Variants in CELF2 observed in about 807,000 individuals in gnomAD.
The protein encoded by CELF2 is CUG triplet repeat RNA-binding protein 2.
In CELF2, 8 loss-of-function variants were observed where a neutral mutation model predicts 62.6. That is an observed-to-expected ratio of 0.13 (90% CI 0.07 to 0.23). The LOEUF is 0.23. CELF2 is among the 10% of genes least tolerant of loss of function. The probability of loss-of-function intolerance (pLI) is 1.00; values close to 1 mark genes in which losing one functional copy is unlikely to be tolerated. For missense variants in CELF2, 333 were observed against 671.0 expected (o/e 0.50, Z 5.56); for synonymous variants, 258 against 250.0 (o/e 1.03, Z -0.30).
At chr10:11,027,654 G>A (rs1052346828) in intron 1 of CELF2, among the ~76,000 whole-genome samples, 5 of 152,102 alleles carry the variant, frequency 3.3e-5, no homozygotes, top group African/African-American at 9.7e-5. Flanking sequence ...CCTGTATGTC[G>A]TAGAATGGAA....
At chr10:11,052,444 T>A (rs2064135128) in intron 1 of CELF2, among the ~76,000 whole-genome samples, 1 of 152,196 alleles carries the variant, frequency 6.6e-6, no homozygotes, top group Non-Finnish European at 1.5e-5. Context: ...ACCTGTAGGT[T>A]GTTTGGGCTC....
At chr10:10,547,708 T>A in the CELF2 span, among the ~76,000 whole-genome samples, 4 of 151,716 alleles carry the variant, frequency 2.6e-5, no homozygotes, top group African/African-American at 9.7e-5. Flanking sequence ...TGTGTGTGTG[T>A]GTGTGTGTGT....
rs11595906 is a variant in CELF2, at chr10:11,012,584, A to T, written c.53+7144A>T. 0.077 allele frequency among the ~76,000 whole-genome samples: 11,718 copies of T among 152,176 alleles called. 774 individuals carry two copies. Among genetic ancestry groups the T allele is most frequent in the African/African-American group, 0.18 (7,345 of 41,466 alleles). ...CTCCGGGACCGAATGTTACGCCTGC[A>T]ACTGTGTCCTCCCAGCTGTTGCTGT... On this transcript the variant is annotated intron_variant, in intron 1 of 12. Transcript: ENST00000416382. The surrounding 1 kb of genome is among the most constrained non-coding windows in gnomAD (Gnocchi z 5.5).
At chr10:10,921,910 C>G (rs1197641212) in intron 2 of CELF2, among the ~76,000 whole-genome samples, 3 of 152,112 alleles carry the variant, frequency 2.0e-5, no homozygotes, top group Non-Finnish European at 4.4e-5. Context: ...ATTCATATGT[C>G]CTAGGATATT....
intron 2 of CELF2, among the ~76,000 whole-genome samples, chr10:10,988,403 G>GTAAC (rs1486923776): frequency 2.0e-5 from 3 of 151,994 alleles, no homozygotes; most frequent in African/African-American, 7.2e-5. Context: ...TCTAAGTGAA[G>GTAAC]TAACTCAGGA....
At chr10:10,575,266 G>A in the CELF2 span, among the ~76,000 whole-genome samples, 1 of 152,172 alleles carries the variant, frequency 6.6e-6, no homozygotes, top group Non-Finnish European at 1.5e-5. Context: ...CTTGAAGGGT[G>A]TTAGATGTAG....
chr10:10,704,305 A>AT, the CELF2 span, among the ~76,000 whole-genome samples: 32,068 of 151,532 alleles, frequency 0.21, 3,654 homozygotes, highest in South Asian at 0.43. Flanking sequence ...ACCTTCCTTG[A>AT]TTTTTTTTTC....
chr10:10,696,854 G>A, the CELF2 span, among the ~76,000 whole-genome samples: 76 of 152,284 alleles, frequency 5.0e-4, no homozygotes, highest in Admixed American at 3.0e-3. Flanking sequence ...CGCACGGTGC[G>A]TGCACCCAAT....
At chr10:10,562,594 C>T in the CELF2 span, among the ~76,000 whole-genome samples, 61 of 152,282 alleles carry the variant, frequency 4.0e-4, no homozygotes, top group African/African-American at 1.3e-3. Flanking sequence ...TTTCTAGCGA[C>T]CTCACCGTGT....
Position 10,936,286 on chromosome 10 carries a change from G to T in CELF2, c.89+16287G>T, listed in dbSNP as rs1302592369. On this transcript the variant is annotated intron_variant, in intron 2 of 13. Coordinates refer to the CELF2 transcript ENST00000636488. This position sits in a 1 kb window ranked among gnomAD's most constrained non-coding sequence, Gnocchi z 4.0. Reference sequence around the variant, plus strand: ...AGCAATAATCACATTTTAACATAAAGATTGTCCAAGATCACAGAGTAATCT... The same window carrying T: ...AGCAATAATCACATTTTAACATAAATATTGTCCAAGATCACAGAGTAATCT... Among the ~76,000 whole-genome samples, 5 of 152,178 alleles carry T rather than the reference G, an allele frequency of 3.3e-5. No homozygotes were observed. Among genetic ancestry groups the T allele is most frequent in the Admixed American group, 2.6e-4 (4 of 15,280 alleles).
rs59416518 is a variant in CELF2, at chr10:11,145,489, C to T, written c.75-19997C>T. On this transcript the variant is annotated intron_variant, in intron 1 of 12. Transcript: ENST00000633077. This position sits in a 1 kb window ranked among gnomAD's most constrained non-coding sequence, Gnocchi z 4.3. ...AATATAAGAATCAGGTAAAATTGTC[C>T]GCACAGAACCAGTTGGTGGGGTGGA... Among the ~76,000 whole-genome samples the T allele has an allele frequency of 1.4e-3, 218 of 152,258 alleles. 2 individuals carry two copies. The East Asian group carries it at 0.03, about 21-fold the overall frequency.
At chr10:10,573,692 A>T in the CELF2 span, among the ~76,000 whole-genome samples, 1 of 152,138 alleles carries the variant, frequency 6.6e-6, no homozygotes, top group Non-Finnish European at 1.5e-5. Flanking sequence ...GTAAATTAAA[A>T]TCTGTAAATA....
intron 1 of CELF2, among the ~76,000 whole-genome samples, chr10:10,915,880 C>G (rs1056946320): frequency 6.6e-6 from 1 of 152,172 alleles, no homozygotes; most frequent in African/African-American, 2.4e-5. Flanking sequence ...CCAGCATTGC[C>G]TGGGCTGAAC....
At chr10:10,642,603 CTCCTTGCT>C in the CELF2 span, among the ~76,000 whole-genome samples, 3 of 152,332 alleles carry the variant, frequency 2.0e-5, no homozygotes, top group South Asian at 6.2e-4. Context: ...GCCCCCTTCC[CTCCTTGCT>C]TATCTCTGCA....
Position 11,156,527 on chromosome 10 carries a change from G to C in CELF2, c.75-8959G>C, listed in dbSNP as rs368540555. 6.6e-6 allele frequency among the ~76,000 whole-genome samples: 1 copy of C among 152,004 alleles called. No homozygotes were observed. Among genetic ancestry groups the C allele is most frequent in the African/African-American group, 2.4e-5 (1 of 41,364 alleles). On this transcript the variant is annotated intron_variant, in intron 1 of 12. Coordinates refer to ENST00000633077, the MANE Select transcript of CELF2 (RefSeq NM_001326342.2). This position sits in a 1 kb window ranked among gnomAD's most constrained non-coding sequence, Gnocchi z 4.3. ...CAAAACGGTCTTTTTAATCGATAAG[G>C]CTTACTTATTTGCCTATTTCATGCC... is the stretch of plus-strand genomic sequence containing the variant.
At chr10:10,613,993 T>C in the CELF2 span, among the ~76,000 whole-genome samples, 2 of 152,164 alleles carry the variant, frequency 1.3e-5, no homozygotes, top group African/African-American at 4.8e-5. Flanking sequence ...AATGGCATTA[T>C]TTGGACTAGC....
At chr10:11,082,224 G>GA (rs992662553) in intron 1 of CELF2, among the ~76,000 whole-genome samples, 51 of 150,466 alleles carry the variant, frequency 3.4e-4, no homozygotes, top group African/African-American at 1.2e-3. Context: ...GAAAACATAG[G>GA]AAAAAAAAAT....
At chr10:10,838,075 C>G (rs1288518433) in intron 1 of CELF2, among the ~76,000 whole-genome samples, 1 of 152,158 alleles carries the variant, frequency 6.6e-6, no homozygotes, top group Non-Finnish European at 1.5e-5. Flanking sequence ...CATTTAGTGT[C>G]ACGTTTCCTT....
intron 1 of CELF2, among the ~76,000 whole-genome samples, chr10:11,051,234 A>C (rs2063855767): frequency 6.6e-6 from 1 of 152,196 alleles, no homozygotes; most frequent in African/African-American, 2.4e-5. Flanking sequence ...CTTTCTTGGA[A>C]GAAAAGTTGT....
Sources: gnomAD v4.1 joint callset for allele counts (sites outside exome capture counted in the v4.1 genomes callset) on GRCh38, gnomAD v4.1.1 for gene constraint, Gnocchi (gnomAD v3.1) non-coding constraint, MANE v1.5 for transcripts, NCBI Gene and HGNC (gene_info 2026-07-23, HGNC 2026-07-21) for gene names.